MEFV: variants seen among roughly 807,000 people sequenced by gnomAD.
MEFV encodes the protein pyrin.
A neutral mutation model predicts 62.5 loss-of-function variants in MEFV; 60 were observed. The ratio of observed to expected loss-of-function variants is 0.96; its 90% CI spans 0.78 to 1.19. The LOEUF (loss-of-function observed/expected upper bound fraction) is 1.19, where lower values mean the gene tolerates loss of function less well. Among genes scored for constraint, MEFV ranks in the 50% most tolerant of loss-of-function variants. MEFV has a pLI of 0.00. For synonymous variants in MEFV, 500 were observed against 415.2 expected, an observed-to-expected ratio of 1.20 and a Z score of -2.48; for missense variants, 1,169 against 1,004.5, an observed-to-expected ratio of 1.16 and a Z score of -2.21.
At chr16:3,248,588 A>G (rs1412320177) in intron 4 of MEFV, 9 of 491,346 alleles carry the variant, frequency 1.8e-5, no homozygotes, top group Admixed American at 1.2e-4. Context: ...AGACTCCGTC[A>G]CAAAAAAAGA....
chr16:3,246,615 ACTT>A, intron 5 of MEFV, 68 bp from the exon 6 acceptor site: 1 of 1,588,240 alleles, frequency 6.3e-7, no homozygotes, highest in East Asian at 2.2e-5. Flanking sequence ...CCTGGCCTCT[ACTT>A]CTGGGCTCCT....
chr16:3,248,783 T>C (rs1958983598), intron 4 of MEFV, 126 bp downstream of exon 4: 15 of 1,590,192 alleles, frequency 9.4e-6, no homozygotes, highest in Non-Finnish European at 1.2e-5. Context: ...GGTTACCCTC[T>C]GTCCCCTGAG....
At position 3,256,402 on chromosome 16, in the gene MEFV, C is replaced by T. The variant is rs567615955; in HGVS notation, c.186G>A (p.Gly62=). The stretch of plus-strand genomic sequence containing the variant: ...GGGTGAGCTGCACGGCGTACTCTTC[C>T]CCATAGTAGGTGACCAGCAGAGTGG... The part of the protein sequence containing the change: ...KMATLLVTYY[G]EEYAVQLTLQ... The change falls in exon 1 of 10, where the codon GGG becomes GGA. Residue 62 remains glycine (G), a synonymous_variant. Coordinates refer to ENST00000219596, the MANE Select transcript of MEFV (RefSeq NM_000243.3). 1.9e-5 allele frequency: 30 copies of T among 1,614,108 alleles called. No individual in the cohort carries two copies. The highest frequency in any genetic ancestry group is 3.3e-4 in the Middle Eastern group (2 of 6,062).
Position 3,254,516 on chromosome 16 carries a change from G to A in MEFV, c.552C>T (p.Gly184=), listed in dbSNP as rs1488496414. The A allele has an allele frequency of 1.3e-6, 2 of 1,556,160 alleles. No homozygotes were observed. Among genetic ancestry groups the A allele is most frequent in the Non-Finnish European group, 1.7e-6 (2 of 1,154,810 alleles). Residue 184 remains glycine, a synonymous_variant, in exon 2 of 10, where the codon GGC becomes GGT. Transcript: ENST00000219596. ...CCCTGCAGGGGCCGGGGCTTCTCCC[G>A]CCCGGCAGGGCCGGGCTCCGGGTCC... ...KPRTRSPALP[G]GRSPGPCRAL...
rs923753791 is a variant in MEFV, at chr16:3,242,735, C to T, written c.*406G>A. On this transcript the variant is annotated 3_prime_UTR_variant, in exon 10 of 10. Transcript: ENST00000219596. ...GTACACAAATACTTCTATCCCAATCCAGTCTGCTTGCGTTTCTCTAGGCTT... is the reference window on the plus strand; with the variant it reads ...GTACACAAATACTTCTATCCCAATCTAGTCTGCTTGCGTTTCTCTAGGCTT... 2.1e-5 allele frequency: 6 copies of T among 285,444 alleles called. No individual in the cohort carries two copies. The highest frequency in any genetic ancestry group is 1.3e-4 in the African/African-American group (6 of 45,670). The allele number at this position is 285,444 out of a possible 1,614,324, so 17.7% of individuals were successfully genotyped here.
rs11466041 is a variant in MEFV, at chr16:3,244,469, C to G, written c.1726+4G>C. 6.2e-7 allele frequency: 1 copy of G among 1,612,762 alleles called. No homozygotes were observed. Among genetic ancestry groups the G allele is most frequent in the Non-Finnish European group, 8.5e-7 (1 of 1,178,818 alleles). On this transcript the variant is annotated splice_donor_region_variant and intron_variant, in intron 7 of 9. Coordinates refer to ENST00000219596, the MANE Select transcript of MEFV (RefSeq NM_000243.3). ...ACCTCCAATCTTCTCCCAAGCCCATCTACCTGAGAAGTACTTTGTGCTCTT... is the reference window on the plus strand; with the variant it reads ...ACCTCCAATCTTCTCCCAAGCCCATGTACCTGAGAAGTACTTTGTGCTCTT...
chr16:3,247,595 G>T, intron 4 of MEFV: 1 of 301,466 alleles, frequency 3.3e-6, no homozygotes, highest in Non-Finnish European at 6.4e-6. Context: ...GGTCCTACTG[G>T]GATTGGGTGG....
chr16:3,246,406 A>C (rs1958943014), intron 6 of MEFV, 119 bp downstream of exon 6: 2 of 1,122,812 alleles, frequency 1.8e-6, no homozygotes, highest in East Asian at 5.0e-5. Flanking sequence ...AAAAAGGAGG[A>C]GTCTGGAATC....
Position 3,242,992 on chromosome 16 carries a change from A to G in MEFV, c.*149T>C. The G allele has an allele frequency of 1.2e-6, 1 of 842,276 alleles. No homozygotes were observed. Among genetic ancestry groups the G allele is most frequent in the Non-Finnish European group, 1.9e-6 (1 of 522,850 alleles). 52.2% of individuals were successfully genotyped at this position (842,276 alleles called of 1,614,324 possible). Reference sequence around the variant, plus strand: ...TGTTCGTTCCTAACTTACCTCTGCTATAATCGGGTAGGCTCCGTGGGCACA... The same window carrying G: ...TGTTCGTTCCTAACTTACCTCTGCTGTAATCGGGTAGGCTCCGTGGGCACA... On this transcript the variant is annotated 3_prime_UTR_variant, in exon 10 of 10. Transcript: ENST00000219596.
In MEFV at chr16:3,254,633, G is replaced by T. The variant is rs1271491773; in HGVS notation, c.435C>A (p.Ser145Arg). 1.2e-6 allele frequency: 2 copies of T among 1,606,376 alleles called. No homozygotes were observed. Among genetic ancestry groups the T allele is most frequent in the Non-Finnish European group, 8.5e-7 (1 of 1,177,818 alleles). ...ACAGCCCCCTCCCGGCCTCGGGCTG[G>T]CTGCACCGCAGGCTGGCAGCTCCGC... ...YGGGAASLRC[S>R]QPEAGRGLSR... Residue 145 changes from serine to arginine, a missense_variant, in exon 2 of 10, where the codon AGC becomes AGA. Coordinates refer to ENST00000219596, the MANE Select transcript of MEFV (RefSeq NM_000243.3).
At chr16:3,248,748 A>G in intron 4 of MEFV, 161 bp downstream of exon 4, 1 of 985,364 alleles carries the variant, frequency 1.0e-6, no homozygotes, top group Non-Finnish European at 1.2e-6. Context: ...CTCCCTCTAC[A>G]GGGATGAGCT....
Position 3,254,497 on chromosome 16 carries a change from A to C in MEFV, c.571T>G (p.Cys191Gly). 1 of 1,576,172 alleles carries C rather than the reference A, an allele frequency of 6.3e-7. No individual in the cohort carries two copies. Among genetic ancestry groups the C allele is most frequent in the Non-Finnish European group, 8.6e-7 (1 of 1,164,032 alleles). Residue 191 changes from cysteine to glycine, a missense_variant, in exon 2 of 10, where the codon TGC (cysteine) becomes GGC (glycine). Coordinates refer to ENST00000219596, the MANE Select transcript of MEFV (RefSeq NM_000243.3). ...ALPGGRSPGP[C>G]RALEGGQAEV... ...GCCTGGCCCCCCTCTAGCGCCCTGC[A>C]GGGGCCGGGGCTTCTCCCGCCCGGC...
intron 9 of MEFV, 62 bp from the exon 10 acceptor site, chr16:3,243,756 C>A: frequency 6.2e-7 from 1 of 1,609,560 alleles, no homozygotes; most frequent in South Asian, 1.1e-5. Flanking sequence ...CAGGGTTCTC[C>A]CCACCTGCAG....
At chr16:3,255,605 C>T (rs1405634792) in intron 1 of MEFV, among the ~76,000 whole-genome samples, 2 of 151,772 alleles carry the variant, frequency 1.3e-5, no homozygotes, top group South Asian at 4.1e-4. Flanking sequence ...CAGGGTTTCA[C>T]CATGTTGCCC....
intron 4 of MEFV, chr16:3,248,330 A>G (rs1386299935): frequency 1.3e-5 from 2 of 156,904 alleles, no homozygotes; most frequent in Admixed American, 6.2e-5. Flanking sequence ...AGTGGCTCAC[A>G]TCTGTAATCC....
At chr16:3,246,632 CT>C in intron 5 of MEFV, 85 bp from the exon 6 acceptor site, 1 of 1,459,484 alleles carries the variant, frequency 6.9e-7, no homozygotes, top group Non-Finnish European at 9.6e-7. Flanking sequence ...GGCTCCTGGA[CT>C]TTTAGCTCCC....
chr16:3,245,977 G>A (rs1451603430), intron 6 of MEFV, among the ~76,000 whole-genome samples: 2 of 152,200 alleles, frequency 1.3e-5, no homozygotes, highest in African/African-American at 4.8e-5. Context: ...CTATGATTCA[G>A]CCATAAAAAG....
intron 5 of MEFV, 95 bp downstream of exon 5, chr16:3,246,921 C>A: frequency 8.2e-7 from 1 of 1,222,232 alleles, no homozygotes; most frequent in Non-Finnish European, 1.2e-6. Context: ...GGGGCTTCAC[C>A]CACTTGTTCC....
chr16:3,256,545 C>T lies in MEFV; in HGVS notation c.43G>A (p.Glu15Lys). The T allele has an allele frequency of 6.2e-7, 1 of 1,614,202 alleles. No homozygotes were observed. The highest frequency in any genetic ancestry group is 8.5e-7 in the Non-Finnish European group (1 of 1,180,034). The change falls in exon 1 of 10, where the codon GAG becomes AAG. Residue 15 changes from glutamate to lysine, a missense_variant. Coordinates refer to ENST00000219596, the MANE Select transcript of MEFV (RefSeq NM_000243.3). ...TTCTCGAAGTCATAGGGCACCAGCT[C>T]CTCCAGGGTGGACAGCAGATGGTCA... ...PSDHLLSTLEELVPYDFEKFK... is the reference protein window; with the variant it reads ...PSDHLLSTLEKLVPYDFEKFK...
Sources: allele counts gnomAD v4.1 joint callset (sites outside exome capture counted in the v4.1 genomes callset), GRCh38; gene constraint gnomAD v4.1.1; transcripts MANE v1.5; gene names NCBI Gene and HGNC (gene_info 2026-07-23, HGNC 2026-07-21).